Variants in SNTG1 observed in about 807,000 individuals in gnomAD.
The protein encoded by SNTG1 is syntrophin gamma 1.
Under a neutral mutation model 74.7 loss-of-function variants are expected in SNTG1, and 39 were observed. The observed-to-expected ratio is 0.52, with a 90% CI of 0.40 to 0.68. SNTG1 has a LOEUF of 0.68. SNTG1 is among the 30% of genes least tolerant of loss of function. The pLI, the probability that SNTG1 is intolerant of heterozygous loss-of-function variation, is 0.00. For synonymous variants in SNTG1, 254 were observed against 217.1 expected (o/e 1.17, Z -1.49); for missense variants, 685 against 609.5 (o/e 1.12, Z -1.30).
intron 18 of SNTG1, among the ~76,000 whole-genome samples, chr8:50,764,574 G>A (rs780584200): frequency 6.6e-6 from 1 of 151,734 alleles, no homozygotes; most frequent in African/African-American, 2.4e-5. Context: ...AAACTCAATG[G>A]GCTATCACCT....
chr8:49,972,649 T>A (rs1374523918), intron 1 of SNTG1, among the ~76,000 whole-genome samples: 5 of 138,806 alleles, frequency 3.6e-5, no homozygotes, highest in African/African-American at 1.4e-4. Context: ...GAATCTACAA[T>A]GAACTCTAAC....
At chr8:50,326,316 C>T (rs551130871) in intron 2 of SNTG1, among the ~76,000 whole-genome samples, 45 of 152,056 alleles carry the variant, frequency 3.0e-4, no homozygotes, top group African/African-American at 8.7e-4. Flanking sequence ...TTGGTAGAAG[C>T]GTTTTGCTTC....
intron 4 of SNTG1, among the ~76,000 whole-genome samples, chr8:50,434,383 A>G (rs1040615441): frequency 6.6e-6 from 1 of 152,186 alleles, no homozygotes; most frequent in Non-Finnish European, 1.5e-5. Flanking sequence ...AGCATGATTT[A>G]TAATCCTTTG....
At chr8:50,281,334 G>A (rs1007226562) in intron 2 of SNTG1, among the ~76,000 whole-genome samples, 1 of 152,132 alleles carries the variant, frequency 6.6e-6, no homozygotes, top group Non-Finnish European at 1.5e-5. Context: ...CTGAGCTAAC[G>A]TTTCAGGTTT....
chr8:50,694,879 T>C (rs1298183690), intron 15 of SNTG1, among the ~76,000 whole-genome samples: 1 of 147,188 alleles, frequency 6.8e-6, no homozygotes, highest in Non-Finnish European at 1.5e-5. Flanking sequence ...TTCAACATTC[T>C]TTTATAATTA....
chr8:50,267,822 A>G (rs1388695273), intron 2 of SNTG1, among the ~76,000 whole-genome samples: 1 of 152,198 alleles, frequency 6.6e-6, no homozygotes, highest in Admixed American at 6.5e-5. Context: ...GAGAATCTAC[A>G]GGAAAAATAG....
rs1201013146 is a variant in SNTG1, at chr8:49,938,316, G to T, written c.-103+26085G>T. On this transcript the variant is annotated intron_variant, in intron 1 of 18. Transcript: ENST00000642720. ...TCAGTGTGTGCCAAGCATTTTGCAT[G>T]CCTTAGCTAATTTAATCCACATAAT... Among the ~76,000 whole-genome samples, 3 of 152,136 alleles carry T rather than the reference G, an allele frequency of 2.0e-5. No individual in the cohort carries two copies. In the East Asian group the frequency reaches 5.8e-4, roughly 29 times the overall value.
chr8:50,390,748 A>C (rs1042042253), intron 2 of SNTG1, among the ~76,000 whole-genome samples: 3 of 152,194 alleles, frequency 2.0e-5, no homozygotes, highest in African/African-American at 7.2e-5. Context: ...TATTTCATTG[A>C]GCAGTGGTTT....
Position 50,583,518 on chromosome 8 carries a change from G to A in SNTG1, c.811-7361G>A, listed in dbSNP as rs545016927. 5.3e-5 allele frequency among the ~76,000 whole-genome samples: 8 copies of A among 151,990 alleles called. 1 individual carries two copies. Among genetic ancestry groups the A allele is most frequent in the African/African-American group, 1.9e-4 (8 of 41,464 alleles). On this transcript the variant is annotated intron_variant, in intron 12 of 18. Transcript: ENST00000642720. The stretch of plus-strand genomic sequence containing the variant: ...CCCTCTGTCATAGACATATCACTCA[G>A]CCTCAGTTCCTTTTTGCGATAGTCA...
At chr8:50,501,042 G>C (rs1046037515) in intron 8 of SNTG1, among the ~76,000 whole-genome samples, 2 of 152,320 alleles carry the variant, frequency 1.3e-5, no homozygotes, top group Admixed American at 1.3e-4. Flanking sequence ...TAGTTACACA[G>C]TGCCTCTGAG....
intron 12 of SNTG1, among the ~76,000 whole-genome samples, chr8:50,556,812 C>G (rs62515749): frequency 7.9e-5 from 12 of 152,186 alleles, no homozygotes; most frequent in Non-Finnish European, 1.5e-4. Flanking sequence ...CCATAGTGAG[C>G]TCTGAAGCAG....
chr8:50,167,883 G>A (rs1416600333), intron 1 of SNTG1, among the ~76,000 whole-genome samples: 2 of 150,792 alleles, frequency 1.3e-5, no homozygotes, highest in African/African-American at 4.9e-5. Context: ...GTATTATTTT[G>A]AGAGAGATTT....
Position 50,402,364 on chromosome 8 carries a change from G to T in SNTG1, c.162+20G>T, listed in dbSNP as rs1175820251. Reference sequence around the variant, plus strand: ...TCTGGTGTAAGTAGCTTTTTCTTCTGTTGAAATTTTTTGTGTTTGTTTTTT... The same window carrying T: ...TCTGGTGTAAGTAGCTTTTTCTTCTTTTGAAATTTTTTGTGTTTGTTTTTT... On this transcript the variant is annotated intron_variant, in intron 4 of 18. Transcript: ENST00000642720. 6.4e-7 allele frequency: 1 copy of T among 1,564,208 alleles called. No individual in the cohort carries two copies. Among genetic ancestry groups the T allele is most frequent in the Non-Finnish European group, 8.6e-7 (1 of 1,162,184 alleles).
chr8:50,513,629 C>T (rs769336118), intron 9 of SNTG1, among the ~76,000 whole-genome samples: 11 of 152,244 alleles, frequency 7.2e-5, no homozygotes, highest in Non-Finnish European at 2.9e-5. Context: ...ATGCCCCTCC[C>T]CAGCCTCACT....
chr8:50,317,544 A>G (rs1440192212), intron 2 of SNTG1, among the ~76,000 whole-genome samples: 1 of 152,218 alleles, frequency 6.6e-6, no homozygotes, highest in Non-Finnish European at 1.5e-5. Context: ...TGAGACTGAA[A>G]CAGGATGATG....
At chr8:50,562,186 T>C (rs537125077) in intron 12 of SNTG1, among the ~76,000 whole-genome samples, 14 of 152,342 alleles carry the variant, frequency 9.2e-5, no homozygotes, top group Non-Finnish European at 1.5e-4. Context: ...GTAGGAAGAA[T>C]AATGCCCACG....
chr8:50,671,489 G>A (rs1369520617), intron 15 of SNTG1, among the ~76,000 whole-genome samples: 2 of 151,950 alleles, frequency 1.3e-5, no homozygotes, highest in South Asian at 2.1e-4. Context: ...CAAAACCACA[G>A]TAAGATACCA....
chr8:50,588,046 G>T (rs148820682), intron 12 of SNTG1, among the ~76,000 whole-genome samples: 3,550 of 151,876 alleles, frequency 0.023, 63 homozygotes, highest in Middle Eastern at 0.038. Flanking sequence ...CTTGAACCCA[G>T]GAAACGGAGG....
chr8:50,011,725 A>G (rs1815821406), intron 1 of SNTG1: 1 of 152,070 alleles, frequency 6.6e-6, no homozygotes, highest in Non-Finnish European at 1.5e-5. Context: ...CACTGTTTTA[A>G]TGTCAATGGG....
Sources: allele counts gnomAD v4.1 joint callset (sites outside exome capture counted in the v4.1 genomes callset), GRCh38; gene constraint gnomAD v4.1.1; transcripts MANE v1.5; gene names NCBI Gene and HGNC (gene_info 2026-07-23, HGNC 2026-07-21).